TMEM156: variants seen among roughly 807,000 people sequenced by gnomAD.
TMEM156 encodes the protein transmembrane protein 156.
Under a neutral mutation model 30.5 loss-of-function variants are expected in TMEM156, and 28 were observed. That is an observed-to-expected ratio of 0.92 (90% confidence interval 0.68 to 1.26). The LOEUF is 1.26. Among genes scored for constraint, TMEM156 ranks in the 50% most tolerant of loss-of-function variants. The pLI is 0.00. For missense variants in TMEM156, 351 were observed against 340.6 expected, an observed-to-expected ratio of 1.03 and a Z score of -0.24; for synonymous variants, 137 against 119.9, an observed-to-expected ratio of 1.14 and a Z score of -0.93.
chr4:39,016,775 T>C (rs1420538713), intron 1 of TMEM156, among the ~76,000 whole-genome samples: 1 of 152,294 alleles, frequency 6.6e-6, no homozygotes, highest in Non-Finnish European at 1.5e-5. Context: ...TTGAAATGTA[T>C]TGAGGCTTGT....
intron 6 of TMEM156, among the ~76,000 whole-genome samples, chr4:38,968,894 T>C (rs1259948798): frequency 6.6e-6 from 1 of 152,156 alleles, no homozygotes; most frequent in Non-Finnish European, 1.5e-5. Flanking sequence ...CCAACTTACA[T>C]AACTGCCTCC....
chr4:38,976,411 G>A (rs907172253), intron 5 of TMEM156, among the ~76,000 whole-genome samples: 1 of 152,044 alleles, frequency 6.6e-6, no homozygotes, highest in Non-Finnish European at 1.5e-5. Flanking sequence ...GGACAGCCGG[G>A]AAGATGCCAA....
At chr4:38,990,337 C>T (rs573167662) in intron 3 of TMEM156, among the ~76,000 whole-genome samples, 504 of 152,240 alleles carry the variant, frequency 3.3e-3, no homozygotes, top group Non-Finnish European at 5.4e-3. Flanking sequence ...AGGATGGCGG[C>T]GCTCAGCCTC....
chr4:38,999,044 T>C, intron 1 of TMEM156, 135 bp from the exon 2 acceptor site: 1 of 487,456 alleles, frequency 2.1e-6, no homozygotes. Flanking sequence ...CAAGACTGTT[T>C]TTTAAACTTG....
At chr4:39,021,387 C>A (rs1051603939) in intron 1 of TMEM156, among the ~76,000 whole-genome samples, 1 of 115,080 alleles carries the variant, frequency 8.7e-6, no homozygotes, top group Non-Finnish European at 1.8e-5. Context: ...ATAGTGAGAC[C>A]TTGTCTCAAA....
chr4:38,981,168 C>A (rs1482650967), intron 5 of TMEM156, among the ~76,000 whole-genome samples: 1 of 152,128 alleles, frequency 6.6e-6, no homozygotes, highest in Non-Finnish European at 1.5e-5. Flanking sequence ...CATCTGGCAC[C>A]AGTAATTTAT....
chr4:39,022,342 T>G (rs1452215035), intron 1 of TMEM156, among the ~76,000 whole-genome samples: 1 of 152,226 alleles, frequency 6.6e-6, no homozygotes, highest in Non-Finnish European at 1.5e-5. Context: ...GCATATCACT[T>G]TTTAGTATCT....
At chr4:38,976,230 G>A (rs546166048) in intron 5 of TMEM156, among the ~76,000 whole-genome samples, 1 of 145,828 alleles carries the variant, frequency 6.9e-6, no homozygotes, top group African/African-American at 2.6e-5. Context: ...GGCGGAAGTT[G>A]CAGTGAGCCA....
At chr4:39,010,748 A>G (rs1714056588) in intron 1 of TMEM156, among the ~76,000 whole-genome samples, 1 of 152,180 alleles carries the variant, frequency 6.6e-6, no homozygotes, top group Non-Finnish European at 1.5e-5. Context: ...CTTTCACTAT[A>G]TACAAAAATT....
At chr4:39,020,683 G>A (rs1410800155) in intron 1 of TMEM156, among the ~76,000 whole-genome samples, 2 of 152,088 alleles carry the variant, frequency 1.3e-5, no homozygotes, top group African/African-American at 4.8e-5. Flanking sequence ...CCGAGTAGCT[G>A]TGACAACAGG....
chr4:38,980,111 C>T (rs1723104918), intron 5 of TMEM156, among the ~76,000 whole-genome samples: 2 of 150,598 alleles, frequency 1.3e-5, no homozygotes, highest in Admixed American at 1.3e-4. Context: ...AACTAGTCAT[C>T]TGCTCCAAAT....
In TMEM156 at chr4:38,978,913, G is replaced by A. The variant is rs143155967; in HGVS notation, c.823+7423C>T. 1.0e-3 allele frequency among the ~76,000 whole-genome samples: 156 copies of A among 152,222 alleles called. 1 individual carries two copies. Among genetic ancestry groups the A allele is most frequent in the African/African-American group, 3.5e-3 (147 of 41,542 alleles). On this transcript the variant is annotated intron_variant, in intron 5 of 6. Coordinates refer to ENST00000381938, the MANE Select transcript of TMEM156 (RefSeq NM_024943.3). ...TCCTCCCACCTGAGGCTCCCGAAAT[G>A]TTGGATTACAGGTGTGAGCCACCAC...
chr4:39,018,947 G>A (rs1005202184), intron 1 of TMEM156, among the ~76,000 whole-genome samples: 1 of 150,460 alleles, frequency 6.6e-6, no homozygotes, highest in Non-Finnish European at 1.5e-5. Flanking sequence ...CTTGAATTTG[G>A]GAGGCAAATG....
intron 1 of TMEM156, among the ~76,000 whole-genome samples, chr4:39,016,697 T>G (rs1714507459): frequency 6.6e-6 from 1 of 152,268 alleles, no homozygotes; most frequent in Non-Finnish European, 1.5e-5. Flanking sequence ...TTACCTATTT[T>G]TAGCTTTCTT....
At chr4:39,029,175 T>C (rs531174474) in intron 1 of TMEM156, among the ~76,000 whole-genome samples, 1 of 152,288 alleles carries the variant, frequency 6.6e-6, no homozygotes, top group Admixed American at 6.5e-5. Context: ...AGATTCCTTT[T>C]GAATTCATTT....
At chr4:39,014,835 A>G (rs1368351963) in intron 1 of TMEM156, among the ~76,000 whole-genome samples, 1 of 152,000 alleles carries the variant, frequency 6.6e-6, no homozygotes, top group East Asian at 1.9e-4. Context: ...AAATAAATAA[A>G]TGTCTCCTCT....
At chr4:39,024,803 T>G (rs1168376573) in intron 1 of TMEM156, among the ~76,000 whole-genome samples, 1 of 152,240 alleles carries the variant, frequency 6.6e-6, no homozygotes, top group South Asian at 2.1e-4. Context: ...CCTGCACATG[T>G]AGGCCTGAGC....
chr4:38,984,349 CTGTGTGTGTGTGTGTGTG>C (rs34823853), intron 5 of TMEM156, among the ~76,000 whole-genome samples: 1 of 131,016 alleles, frequency 7.6e-6, no homozygotes, highest in African/African-American at 2.7e-5. Flanking sequence ...CTCTCTCTCT[CTGTGTGTGTGTGTGTGTG>C]TGTGTGTGTG....
intron 5 of TMEM156, among the ~76,000 whole-genome samples, chr4:38,984,934 C>T (rs1230151192): frequency 6.6e-6 from 1 of 152,126 alleles, no homozygotes; most frequent in African/African-American, 2.4e-5. Context: ...TACAACTTTG[C>T]GAGGTTAGTC....
Sources: allele counts gnomAD v4.1 joint callset (sites outside exome capture counted in the v4.1 genomes callset), GRCh38; gene constraint gnomAD v4.1.1; transcripts MANE v1.5; gene names NCBI Gene and HGNC (gene_info 2026-07-23, HGNC 2026-07-21).